The following PSPC1 variants were observed in gnomAD, a reference collection of about 807,000 sequenced individuals.
The protein encoded by PSPC1 is paraspeckle protein 1.
A neutral mutation model predicts 51.6 loss-of-function variants in PSPC1; 14 were observed. The observed-to-expected ratio is 0.27, with a 90% confidence interval of 0.18 to 0.42. PSPC1 has a LOEUF of 0.42. Among genes scored for constraint, PSPC1 ranks in the 10% least tolerant of loss-of-function variants. The pLI is 1.00. For missense variants in PSPC1, 406 were observed against 701.1 expected (o/e 0.58, Z 4.75); for synonymous variants, 193 against 231.9 (o/e 0.83, Z 1.53).
chr13:19,772,668 A>G (rs1246213634), intron 1 of PSPC1, 125 bp from the exon 2 acceptor site: 14 of 852,798 alleles, frequency 1.6e-5, no homozygotes, highest in East Asian at 5.2e-5. Context: ...TTGATTTTGT[A>G]TCTTTTAACT....
intron 3 of PSPC1, among the ~76,000 whole-genome samples, chr13:19,755,739 G>A (rs1314155430): frequency 6.6e-6 from 1 of 151,926 alleles, no homozygotes; most frequent in African/African-American, 2.4e-5. Context: ...AGTCGTTATT[G>A]ATTCCTTCTG....
chr13:19,723,858 T>C (rs970223096), intron 6 of PSPC1, among the ~76,000 whole-genome samples: 6 of 152,198 alleles, frequency 3.9e-5, no homozygotes, highest in African/African-American at 1.4e-4. Flanking sequence ...CCGAAACTAG[T>C]CACAACTAGA....
chr13:19,766,536 T>A (rs906577555), intron 2 of PSPC1, among the ~76,000 whole-genome samples: 1 of 151,894 alleles, frequency 6.6e-6, no homozygotes, highest in Admixed American at 6.6e-5. Flanking sequence ...AGTAAAAAAA[T>A]TAGCCAAGTC....
At position 19,782,785 on chromosome 13, in the gene PSPC1, T is replaced by C; in HGVS notation, c.-28A>G. On this transcript the variant is annotated 5_prime_UTR_variant, in exon 1 of 9. Transcript: ENST00000338910. This position sits in a 1 kb window ranked among gnomAD's most constrained non-coding sequence, Gnocchi z 4.5. The stretch of plus-strand genomic sequence containing the variant: ...TACTGAGTTCGCCTCGGACACCGGA[T>C]ACAGGCCTAGATTTATAGACAGTGT... 6.6e-7 allele frequency: 1 copy of C among 1,515,846 alleles called. No individual in the cohort carries two copies. The highest frequency in any genetic ancestry group is 8.7e-7 in the Non-Finnish European group (1 of 1,149,558). The allele number at this position is 1,515,846 out of a possible 1,614,324, so 93.9% of individuals were successfully genotyped here. A position where few individuals can be genotyped will look rare whatever the true frequency, so the allele number is the denominator to read the frequency against.
At chr13:19,698,195 G>C (rs187015153), downstream of PSPC1, among the ~76,000 whole-genome samples, 1 of 151,576 alleles carries the variant, frequency 6.6e-6, no homozygotes, top group Non-Finnish European at 1.5e-5. Flanking sequence ...GCTTATATAC[G>C]GTAATTCCTT....
intron 6 of PSPC1, among the ~76,000 whole-genome samples, chr13:19,728,481 C>CTGTCTTTGGAGAAATTTTA (rs1398213298): frequency 3.5e-5 from 4 of 114,350 alleles, no homozygotes; most frequent in African/African-American, 1.1e-4. Flanking sequence ...CACACACACA[C>CTGTCTTTGGAGAAATTTTA]ACACAGCATT....
At chr13:19,762,331 G>A (rs919945377) in intron 2 of PSPC1, among the ~76,000 whole-genome samples, 7 of 152,084 alleles carry the variant, frequency 4.6e-5, no homozygotes, top group East Asian at 3.9e-4. Flanking sequence ...GCCGAGGTGC[G>A]TGGATCACGA....
chr13:19,736,644 C>A (rs959172846), intron 5 of PSPC1, among the ~76,000 whole-genome samples: 1 of 152,116 alleles, frequency 6.6e-6, no homozygotes, highest in African/African-American at 2.4e-5. Flanking sequence ...GATCGCGCCA[C>A]TGCACTCCAG....
rs747691285 is a variant in PSPC1, at chr13:19,782,614, G to C, written c.144C>G (p.Pro48=). ...ALALAGEPAP[P]APAPPEDHPD... ...GGTGGTCCTCTGGAGGCGCGGGCGC[G>C]GGCGGTGCCGGCTCCCCGGCAAGAG... is the stretch of plus-strand genomic sequence containing the variant. Residue 48 remains proline (P), a synonymous_variant, in exon 1 of 9, where the codon CCC becomes CCG. Coordinates refer to ENST00000338910, the MANE Select transcript of PSPC1 (RefSeq NM_001354909.2). This position sits in a 1 kb window ranked among gnomAD's most constrained non-coding sequence, Gnocchi z 4.5. The C allele has an allele frequency of 6.3e-7, 1 of 1,578,272 alleles. No individual in the cohort carries two copies. Among genetic ancestry groups the C allele is most frequent in the Non-Finnish European group, 8.6e-7 (1 of 1,165,916 alleles).
intron 4 of PSPC1, among the ~76,000 whole-genome samples, chr13:19,742,617 T>C (rs1885548707): frequency 1.3e-5 from 2 of 152,146 alleles, no homozygotes; most frequent in South Asian, 4.1e-4. Context: ...TGCACGCCTG[T>C]AATTCCAGCT....
intron 5 of PSPC1, among the ~76,000 whole-genome samples, chr13:19,736,440 T>C (rs149176837): frequency 6.6e-6 from 1 of 151,956 alleles, no homozygotes; most frequent in Non-Finnish European, 1.5e-5. Flanking sequence ...TCCCAGCACT[T>C]TGGGAGGCCG....
In PSPC1 at chr13:19,751,471, A is replaced by C. The variant is rs776791155; in HGVS notation, c.771-4T>G. The C allele has an allele frequency of 6.7e-7, 1 of 1,494,936 alleles. No individual in the cohort carries two copies. The highest frequency in any genetic ancestry group is 8.9e-7 in the Non-Finnish European group (1 of 1,124,858). 92.6% of individuals were successfully genotyped at this position (1,494,936 alleles called of 1,614,324 possible). A position where few individuals can be genotyped will look rare whatever the true frequency, so the allele number is the denominator to read the frequency against. ...ACGTGGTGGTTGTTCTCTTTCCCTAAATTAACATTAAAACATACAGAAATG... is the reference window on the plus strand; with the variant it reads ...ACGTGGTGGTTGTTCTCTTTCCCTACATTAACATTAAAACATACAGAAATG... On this transcript the variant is annotated splice_polypyrimidine_tract_variant and splice_region_variant and intron_variant, in intron 3 of 8. Coordinates refer to ENST00000338910, the MANE Select transcript of PSPC1 (RefSeq NM_001354909.2).
At position 19,762,323 on chromosome 13, in the gene PSPC1, C is replaced by T. The variant is rs182448578; in HGVS notation, c.675-2905G>A. Among the ~76,000 whole-genome samples the T allele has an allele frequency of 4.3e-3, 647 of 151,876 alleles. 12 individuals are homozygous for T. The South Asian group carries it at 0.053, about 12-fold the overall frequency. Reference sequence around the variant, plus strand: ...CTGTAACCCCAGCACTTTGGGAGGCCGAGGTGCGTGGATCACGAGGTCAGG... The same window carrying T: ...CTGTAACCCCAGCACTTTGGGAGGCTGAGGTGCGTGGATCACGAGGTCAGG... On this transcript the variant is annotated intron_variant, in intron 2 of 8. Transcript: ENST00000338910.
chr13:19,694,251 A>G lies in PSPC1; in HGVS notation c.1159-16428T>C, dbSNP rs183907953. Among the ~76,000 whole-genome samples, 9 of 152,038 alleles carry G rather than the reference A, an allele frequency of 5.9e-5. No homozygotes were observed. In the East Asian group the frequency reaches 1.7e-3, roughly 29 times the overall value. ...AAAAGGAACAATAAATTACATAATT[A>G]TAGCCTATGTAATGGGATTCAGAGA... On this transcript the variant is annotated intron_variant and NMD_transcript_variant, in intron 6 of 7. Coordinates refer to the PSPC1 transcript ENST00000471658.
chr13:19,754,975 G>A (rs1886922675), intron 3 of PSPC1, among the ~76,000 whole-genome samples: 1 of 152,152 alleles, frequency 6.6e-6, no homozygotes, highest in Non-Finnish European at 1.5e-5. Flanking sequence ...CCTCACACCT[G>A]TAAACCCAAC....
intron 8 of PSPC1, among the ~76,000 whole-genome samples, chr13:19,704,970 T>C (rs1256804465): frequency 6.6e-6 from 1 of 152,030 alleles, no homozygotes; most frequent in Non-Finnish European, 1.5e-5. Flanking sequence ...TTATCAAAAA[T>C]ATTTACTGAA....
intron 7 of PSPC1, 89 bp from the exon 8 acceptor site, chr13:19,705,920 A>C: frequency 5.2e-6 from 6 of 1,159,664 alleles, no homozygotes; most frequent in Non-Finnish European, 7.1e-6. Context: ...CTATATACCA[A>C]GACCATTATC....
intron 1 of PSPC1, among the ~76,000 whole-genome samples, chr13:19,774,164 A>T (rs2138325643): frequency 6.6e-6 from 1 of 152,334 alleles, no homozygotes; most frequent in Non-Finnish European, 1.5e-5. Flanking sequence ...GGAGAATTCA[A>T]AGTTGGTGTA....
chr13:19,687,549 T>C (rs956283463), intron 6 of PSPC1, among the ~76,000 whole-genome samples: 1 of 152,368 alleles, frequency 6.6e-6, no homozygotes, highest in South Asian at 2.1e-4. Context: ...ACCCACTTTC[T>C]AGATGGCACA....
Sources: allele counts gnomAD v4.1 joint callset (sites outside exome capture counted in the v4.1 genomes callset), GRCh38; gene constraint gnomAD v4.1.1; non-coding constraint Gnocchi (gnomAD v3.1); transcripts MANE v1.5; gene names NCBI Gene and HGNC (gene_info 2026-07-23, HGNC 2026-07-21).